Variants in ASXL3 observed in about 807,000 individuals in gnomAD.
ASXL3 encodes the protein ASXL transcriptional regulator 3.
In ASXL3, 34 loss-of-function variants were observed where a neutral mutation model predicts 170.6. That is an observed-to-expected ratio of 0.20 (90% confidence interval 0.15 to 0.27). The LOEUF is 0.27. Among genes scored for constraint, ASXL3 ranks in the 10% least tolerant of loss-of-function variants. The pLI is 1.00. For synonymous variants in ASXL3, 1,002 were observed against 989.1 expected, an observed-to-expected ratio of 1.01 and a Z score of -0.24; for missense variants, 2,592 against 2,695.3, an observed-to-expected ratio of 0.96 and a Z score of 0.85.
chr18:33,695,494 G>A (rs1396680001), intron 8 of ASXL3, among the ~76,000 whole-genome samples: 4 of 151,984 alleles, frequency 2.6e-5, no homozygotes, highest in Non-Finnish European at 5.9e-5. Context: ...TCTTTATGGA[G>A]GAAAGTAATT....
At chr18:33,584,665 A>G (rs2065021405) in intron 1 of ASXL3, among the ~76,000 whole-genome samples, 1 of 152,166 alleles carries the variant, frequency 6.6e-6, no homozygotes, top group Non-Finnish European at 1.5e-5. Flanking sequence ...ACATTTGTAT[A>G]AGACTTACAT....
rs1442806055 is a variant in ASXL3, at chr18:33,739,882, A to G, written c.2478A>G (p.Glu826=). The change falls in exon 11 of 12, where the codon GAA becomes GAG. Residue 826 remains glutamate (E), a synonymous_variant. Coordinates refer to ENST00000269197, the MANE Select transcript of ASXL3 (RefSeq NM_030632.3). ...SSIAPEAFPS[E]DLHNKTLSQQ... ...TTGCTCCTGAAGCATTTCCGTCTGAAGATTTGCACAATAAGACCCTGAGTC... is the reference window on the plus strand; with the variant it reads ...TTGCTCCTGAAGCATTTCCGTCTGAGGATTTGCACAATAAGACCCTGAGTC... The G allele has an allele frequency of 2.5e-6, 4 of 1,613,862 alleles. No homozygotes were observed. The African/African-American group carries it at 4.0e-5, about 16-fold the overall frequency.
At position 33,578,362 on chromosome 18, in the gene ASXL3, G is replaced by A. The variant is rs1278316163; in HGVS notation, c.-270G>A. The A allele has an allele frequency of 2.5e-5, 2 of 80,262 alleles. No individual in the cohort carries two copies. The highest frequency in any genetic ancestry group is 4.8e-4 in the South Asian group (1 of 2,078). 5.0% of individuals were successfully genotyped at this position (80,262 alleles called of 1,614,324 possible). ...CCCTGGCCCGGGCCCCGCTGCTGCC[G>A]CCGCCCCCGCCCCCGGCCCGCCCGC... On this transcript the variant is annotated 5_prime_UTR_variant, in exon 1 of 12. Transcript: ENST00000269197.
At chr18:33,623,857 ATATT>A (rs2065557073) in intron 2 of ASXL3, among the ~76,000 whole-genome samples, 1 of 152,134 alleles carries the variant, frequency 6.6e-6, no homozygotes, top group South Asian at 2.1e-4. Context: ...TTTTTAATAT[ATATT>A]AACGACTAAT....
At chr18:33,627,945 T>C (rs778157395) in intron 2 of ASXL3, among the ~76,000 whole-genome samples, 6 of 152,130 alleles carry the variant, frequency 3.9e-5, no homozygotes, top group Non-Finnish European at 8.8e-5. Flanking sequence ...TTATTAGGTC[T>C]AAGAGTAGAA....
intron 2 of ASXL3, among the ~76,000 whole-genome samples, chr18:33,640,169 A>T (rs2065824451): frequency 6.6e-6 from 1 of 152,032 alleles, no homozygotes; most frequent in Non-Finnish European, 1.5e-5. Flanking sequence ...GAAGTCTGGG[A>T]CACTGTTTCT....
chr18:33,667,708 C>A (rs2066280533), intron 5 of ASXL3, among the ~76,000 whole-genome samples: 1 of 152,106 alleles, frequency 6.6e-6, no homozygotes, highest in South Asian at 2.1e-4. Flanking sequence ...TTCTCCCCGC[C>A]CAAGTTACCC....
Position 33,744,284 on chromosome 18 carries a change from C to G in ASXL3, c.4436C>G (p.Thr1479Ser). 6.2e-7 allele frequency: 1 copy of G among 1,614,008 alleles called. No individual in the cohort carries two copies. The highest frequency in any genetic ancestry group is 8.5e-7 in the Non-Finnish European group (1 of 1,179,894). The stretch of plus-strand genomic sequence containing the variant: ...TGTAAAGTCATCGTTGACCACAGCA[C>G]CACGCTGACCTCCAGTTTGTCTCTG... ...IPCKVIVDHS[T>S]TLTSSLSLTV... The change falls in exon 12 of 12, where the codon ACC (threonine) becomes AGC (serine). Residue 1479 changes from threonine (T) to serine (S), a missense_variant. By Grantham distance (58) the Thr-to-Ser change is moderately conservative. Around this residue, in one of 4 missense-constraint regions of ASXL3, gnomAD observed 2,246 missense variants for 2,219.6 expected, o/e 1.01. Transcript: ENST00000269197.
At chr18:33,686,174 C>T (rs2066593703) in intron 8 of ASXL3, among the ~76,000 whole-genome samples, 1 of 152,096 alleles carries the variant, frequency 6.6e-6, no homozygotes, top group Non-Finnish European at 1.5e-5. Context: ...ACACTTAGTC[C>T]ATTGAGAAAC....
At chr18:33,681,464 G>T (rs1215379466) in intron 7 of ASXL3, among the ~76,000 whole-genome samples, 1 of 152,068 alleles carries the variant, frequency 6.6e-6, no homozygotes, top group African/African-American at 2.4e-5. Flanking sequence ...AGTTACAAAT[G>T]AAATTCTAAA....
intron 7 of ASXL3, among the ~76,000 whole-genome samples, chr18:33,672,704 C>T (rs2066362669): frequency 6.6e-6 from 1 of 152,168 alleles, no homozygotes; most frequent in Non-Finnish European, 1.5e-5. Flanking sequence ...ATTACCTGTT[C>T]TGCCACTTAC....
At chr18:33,719,908 C>T (rs1197531098) in intron 8 of ASXL3, among the ~76,000 whole-genome samples, 4 of 152,090 alleles carry the variant, frequency 2.6e-5, no homozygotes, top group African/African-American at 7.2e-5. Context: ...GTCTATGGTA[C>T]TTTGTTATTG....
At chr18:33,676,982 GT>G (rs1177824305) in intron 7 of ASXL3, among the ~76,000 whole-genome samples, 1 of 152,126 alleles carries the variant, frequency 6.6e-6, no homozygotes, top group Non-Finnish European at 1.5e-5. Flanking sequence ...TAAAATGTAA[GT>G]TCCTTGAATT....
chr18:33,707,556 G>A (rs766420700), intron 8 of ASXL3, among the ~76,000 whole-genome samples: 27 of 151,806 alleles, frequency 1.8e-4, no homozygotes, highest in African/African-American at 4.1e-4. Context: ...GCTAATTCAC[G>A]TATTAATTTT....
intron 2 of ASXL3, among the ~76,000 whole-genome samples, chr18:33,631,435 GC>G (rs1378875475): frequency 6.6e-6 from 1 of 151,946 alleles, no homozygotes; most frequent in African/African-American, 2.4e-5. Context: ...CTTATATACT[GC>G]TGGTGAGAAT....
intron 8 of ASXL3, among the ~76,000 whole-genome samples, chr18:33,688,869 G>GA (rs1208407225): frequency 6.6e-6 from 1 of 151,956 alleles, no homozygotes; most frequent in Non-Finnish European, 1.5e-5. Context: ...ATCGTCTTTT[G>GA]AAAAAAGTGT....
Position 33,745,316 on chromosome 18 carries a change from G to A in ASXL3, c.5468G>A (p.Arg1823Gln), listed in dbSNP as rs201071954. The part of the protein sequence containing the change: ...GTLAPLQMRK[R>Q]ENHPKKRVAR... The stretch of plus-strand genomic sequence containing the variant: ...CTGGCACCACTCCAAATGAGAAAGC[G>A]AGAAAACCACCCCAAAAAGAGAGTA... Residue 1823 changes from arginine (R) to glutamine (Q), a missense_variant, in exon 12 of 12, where the codon CGA (arginine) becomes CAA (glutamine). Physicochemically the swap from Arg to Gln is conservative, Grantham distance 43 (BLOSUM62 1). Coordinates refer to ENST00000269197, the MANE Select transcript of ASXL3 (RefSeq NM_030632.3). 2.2e-5 allele frequency: 36 copies of A among 1,613,924 alleles called. No individual in the cohort carries two copies. The highest frequency in any genetic ancestry group is 6.7e-5 in the Admixed American group (4 of 60,018).
At chr18:33,731,906 T>G in intron 8 of ASXL3, 62 bp from the exon 9 acceptor site, 2 of 1,417,574 alleles carry the variant, frequency 1.4e-6, no homozygotes, top group South Asian at 2.5e-5. Context: ...GCTTCTTTCC[T>G]GCATACTTTT....
In ASXL3 at chr18:33,738,817, G is replaced by T. The variant is rs1232454372; in HGVS notation, c.1413G>T (p.Lys471Asn). ...SICECQDENH[K>N]TIPEFSEEAE... ...GTGAATGCCAGGATGAAAATCATAAGACAATACCTGAATTTTCTGAGGAGG... is the reference window on the plus strand; with the variant it reads ...GTGAATGCCAGGATGAAAATCATAATACAATACCTGAATTTTCTGAGGAGG... Residue 471 changes from lysine to asparagine, a missense_variant, in exon 11 of 12, where the codon AAG (lysine) becomes AAT (asparagine). Around this residue, in one of 4 missense-constraint regions of ASXL3, gnomAD observed 2,246 missense variants for 2,219.6 expected, o/e 1.01. Coordinates refer to ENST00000269197, the MANE Select transcript of ASXL3 (RefSeq NM_030632.3). The T allele has an allele frequency of 6.2e-7, 1 of 1,613,454 alleles. No homozygotes were observed. Among genetic ancestry groups the T allele is most frequent in the African/African-American group, 1.3e-5 (1 of 74,922 alleles).
Sources: gnomAD v4.1 joint callset for allele counts (sites outside exome capture counted in the v4.1 genomes callset) on GRCh38, gnomAD v4.1.1 for gene constraint, gnomAD v4.1.1 regional missense constraint, MANE v1.5 for transcripts, NCBI Gene and HGNC (gene_info 2026-07-23, HGNC 2026-07-21) for gene names.